Variants in PRKAA2 observed in about 807,000 individuals in gnomAD.
The protein encoded by PRKAA2 is protein kinase AMP-activated catalytic subunit alpha 2, also known as 5'-AMP-activated protein kinase catalytic subunit alpha-2.
A neutral mutation model predicts 56.3 loss-of-function variants in PRKAA2; 40 were observed. That is an observed-to-expected ratio of 0.71 (90% CI 0.55 to 0.92). The LOEUF (loss-of-function observed/expected upper bound fraction) is 0.92. Ranked by LOEUF, PRKAA2 falls within the 40% of genes least tolerant of loss-of-function variation. The probability of loss-of-function intolerance (pLI) is 0.00; values close to 1 mark genes in which losing one functional copy is unlikely to be tolerated. For synonymous variants in PRKAA2, 214 were observed against 234.2 expected (o/e 0.91, Z 0.79); for missense variants, 542 against 686.9 (o/e 0.79, Z 2.36).
intron 1 of PRKAA2, among the ~76,000 whole-genome samples, chr1:56,664,903 C>T (rs1455868648): frequency 1.4e-5 from 2 of 145,692 alleles, no homozygotes; most frequent in East Asian, 2.0e-4. Flanking sequence ...TATATACATA[C>T]ATACAAACAG....
At chr1:56,662,406 TTTTTAA>T (rs1204126001) in intron 1 of PRKAA2, among the ~76,000 whole-genome samples, 1 of 152,020 alleles carries the variant, frequency 6.6e-6, no homozygotes, top group Admixed American at 6.5e-5. Flanking sequence ...ACATTTTTAA[TTTTTAA>T]TTTTAATTTC....
At chr1:56,690,660 T>A (rs1030295865) in intron 2 of PRKAA2, among the ~76,000 whole-genome samples, 5 of 152,218 alleles carry the variant, frequency 3.3e-5, no homozygotes, top group African/African-American at 1.2e-4. Context: ...TCCCTTTTTT[T>A]CTTGCATTTT....
chr1:56,654,682 C>A (rs927500191), intron 1 of PRKAA2, among the ~76,000 whole-genome samples: 3 of 151,874 alleles, frequency 2.0e-5, no homozygotes, highest in African/African-American at 7.3e-5. Flanking sequence ...TATGATGAAC[C>A]TTTTTATTTT....
intron 2 of PRKAA2, among the ~76,000 whole-genome samples, chr1:56,690,122 C>G (rs1644217737): frequency 6.6e-6 from 1 of 150,944 alleles, no homozygotes; most frequent in South Asian, 2.1e-4. Flanking sequence ...CTAGAAAATA[C>G]TTTTTTAAAC....
At chr1:56,647,955 G>T (rs1444146100) in intron 1 of PRKAA2, among the ~76,000 whole-genome samples, 1 of 150,818 alleles carries the variant, frequency 6.6e-6, no homozygotes, top group Non-Finnish European at 1.5e-5. Flanking sequence ...ACTTGGACCC[G>T]AGAGGCAGAG....
Position 56,692,486 on chromosome 1 carries a change from C to T in PRKAA2, c.459C>T (p.Ala153=). 6.2e-7 allele frequency: 1 copy of T among 1,613,836 alleles called. No homozygotes were observed. Among genetic ancestry groups the T allele is most frequent in the Non-Finnish European group, 8.5e-7 (1 of 1,179,918 alleles). ...TCCTGTTGGATGCACACATGAATGCCAAGATAGCCGATTTCGGTATGTAAC... is the reference window on the plus strand; with the variant it reads ...TCCTGTTGGATGCACACATGAATGCTAAGATAGCCGATTTCGGTATGTAAC... ...ENVLLDAHMN[A]KIADFGLSNM... The change falls in exon 4 of 9, where the codon GCC becomes GCT. Residue 153 remains alanine, a synonymous_variant. Transcript: ENST00000371244.
chr1:56,662,617 G>A (rs1644003797), intron 1 of PRKAA2, among the ~76,000 whole-genome samples: 1 of 152,032 alleles, frequency 6.6e-6, no homozygotes, highest in Non-Finnish European at 1.5e-5. Context: ...ATGCCATCAA[G>A]GTCAAGATAC....
chr1:56,676,393 C>T (rs779005906), intron 2 of PRKAA2, among the ~76,000 whole-genome samples: 8 of 152,040 alleles, frequency 5.3e-5, no homozygotes, highest in Non-Finnish European at 8.8e-5. Flanking sequence ...CTCAACTGGC[C>T]GTTTCTGCGT....
At chr1:56,706,282 T>C (rs1644331499) in intron 8 of PRKAA2, 64 bp downstream of exon 8, 2 of 1,565,666 alleles carry the variant, frequency 1.3e-6, no homozygotes, top group Admixed American at 3.7e-5. Context: ...GACCAGATGT[T>C]AAAATCATCT....
chr1:56,704,620 A>G (rs1644319578), intron 7 of PRKAA2, 145 bp downstream of exon 7: 1 of 932,572 alleles, frequency 1.1e-6, no homozygotes, highest in Admixed American at 3.2e-5. Context: ...TAACCTCTAT[A>G]AGGATGAAAA....
intron 8 of PRKAA2, among the ~76,000 whole-genome samples, chr1:56,706,751 C>A (rs1644334639): frequency 6.6e-6 from 1 of 152,100 alleles, no homozygotes; most frequent in Non-Finnish European, 1.5e-5. Context: ...TTGGGTAAAC[C>A]AAATCTGATT....
chr1:56,654,847 G>C (rs11579321), intron 1 of PRKAA2, among the ~76,000 whole-genome samples: 7,362 of 151,742 alleles, frequency 0.049, 265 homozygotes, highest in Non-Finnish European at 0.079. Flanking sequence ...TTCTTTGGGT[G>C]GTACCTTTGT....
chr1:56,676,505 C>T (rs774608803), intron 2 of PRKAA2, among the ~76,000 whole-genome samples: 1 of 152,224 alleles, frequency 6.6e-6, no homozygotes, highest in Non-Finnish European at 1.5e-5. Flanking sequence ...GAAGGCAACA[C>T]AGCTCTGCTG....
intron 2 of PRKAA2, among the ~76,000 whole-genome samples, chr1:56,676,733 G>T (rs181191546): frequency 6.6e-6 from 1 of 152,266 alleles, no homozygotes; most frequent in African/African-American, 2.4e-5. Context: ...CTTATTGTTA[G>T]TGAACTGTGG....
intron 1 of PRKAA2, among the ~76,000 whole-genome samples, chr1:56,673,613 A>G (rs1644092923): frequency 6.6e-6 from 1 of 152,158 alleles, no homozygotes; most frequent in African/African-American, 2.4e-5. Context: ...GGATGCCATG[A>G]ATGTGTTATA....
At chr1:56,662,057 C>G (rs1415293431) in intron 1 of PRKAA2, among the ~76,000 whole-genome samples, 1 of 151,978 alleles carries the variant, frequency 6.6e-6, no homozygotes, top group Non-Finnish European at 1.5e-5. Context: ...TTACTATATC[C>G]TTGATAAGTA....
chr1:56,660,172 T>G (rs968272803), intron 1 of PRKAA2, among the ~76,000 whole-genome samples: 1 of 152,182 alleles, frequency 6.6e-6, no homozygotes, highest in Admixed American at 6.5e-5. Context: ...ATTTATGTTC[T>G]CCACCAGAAG....
intron 1 of PRKAA2, among the ~76,000 whole-genome samples, chr1:56,655,261 T>TATATAC (rs1475158105): frequency 2.2e-3 from 15 of 6,786 alleles, no homozygotes; most frequent in Middle Eastern, 0.042. Context: ...TGTATGTATT[T>TATATAC]ATATATCTAT....
intron 1 of PRKAA2, 124 bp from the exon 2 acceptor site, chr1:56,674,257 G>A (rs1039626801): frequency 5.2e-5 from 39 of 751,334 alleles, no homozygotes; most frequent in Non-Finnish European, 7.3e-5. Flanking sequence ...CTGTAGTTTT[G>A]TACAACAAGG....
Sources: gnomAD v4.1 joint callset for allele counts (sites outside exome capture counted in the v4.1 genomes callset) on GRCh38, gnomAD v4.1.1 for gene constraint, MANE v1.5 for transcripts, NCBI Gene and HGNC (gene_info 2026-07-23, HGNC 2026-07-21) for gene names.